CDH9: variants seen among roughly 807,000 people sequenced by gnomAD.
CDH9 encodes cadherin-9.
Under a neutral mutation model 70.9 loss-of-function variants are expected in CDH9, and 28 were observed. That is an observed-to-expected ratio of 0.40 (90% confidence interval 0.29 to 0.54). The LOEUF (loss-of-function observed/expected upper bound fraction) is 0.54, where lower values mean the gene tolerates loss of function less well. CDH9 is among the 20% of genes least tolerant of loss of function. The pLI is 0.59. For missense variants in CDH9, 874 were observed against 984.4 expected (o/e 0.89, Z 1.50); for synonymous variants, 409 against 343.1 (o/e 1.19, Z -2.12).
At chr5:26,974,198 C>T (rs193241562) in intron 2 of CDH9, among the ~76,000 whole-genome samples, 19 of 152,098 alleles carry the variant, frequency 1.2e-4, no homozygotes, top group Non-Finnish European at 1.6e-4. Context: ...GATGAGATTG[C>T]GCCACTGCAC....
intron 1 of CDH9, among the ~76,000 whole-genome samples, chr5:27,016,622 C>T (rs1326363368): frequency 6.6e-6 from 1 of 151,684 alleles, no homozygotes; most frequent in Non-Finnish European, 1.5e-5. Flanking sequence ...ATAATTTTCT[C>T]CAAAAGTTGT....
chr5:27,027,101 G>A (rs1743233276), intron 1 of CDH9, among the ~76,000 whole-genome samples: 1 of 151,880 alleles, frequency 6.6e-6, no homozygotes, highest in South Asian at 2.1e-4. Context: ...TGACTTAAAA[G>A]ACTTTCATCA....
At chr5:26,882,114 T>C (rs1422614200) in intron 11 of CDH9, among the ~76,000 whole-genome samples, 1 of 152,072 alleles carries the variant, frequency 6.6e-6, no homozygotes, top group Non-Finnish European at 1.5e-5. Flanking sequence ...TGAGTGTACA[T>C]ACACACATAC....
At chr5:26,902,963 G>A in intron 6 of CDH9, 1 of 384,070 alleles carries the variant, frequency 2.6e-6, no homozygotes, top group Non-Finnish European at 4.6e-6. Flanking sequence ...TTCTCACTTA[G>A]TAATATGCTT....
chr5:26,991,834 A>C (rs1742584364), intron 1 of CDH9, among the ~76,000 whole-genome samples: 1 of 152,192 alleles, frequency 6.6e-6, no homozygotes. Context: ...ATCTATTGGA[A>C]AAATAAAGAA....
chr5:27,002,485 G>T (rs1742788046), intron 1 of CDH9, among the ~76,000 whole-genome samples: 1 of 152,100 alleles, frequency 6.6e-6, no homozygotes, highest in Non-Finnish European at 1.5e-5. Context: ...GTTTATTGTG[G>T]CACTATTCAC....
chr5:26,882,135 A>G (rs1465050786), intron 11 of CDH9, among the ~76,000 whole-genome samples: 2 of 152,088 alleles, frequency 1.3e-5, no homozygotes, highest in Non-Finnish European at 2.9e-5. Context: ...ATGAATATGT[A>G]TGAGTCACTG....
intron 2 of CDH9, among the ~76,000 whole-genome samples, chr5:26,974,867 G>A (rs924403596): frequency 2.0e-5 from 3 of 151,594 alleles, no homozygotes; most frequent in African/African-American, 7.3e-5. Flanking sequence ...TACTCTCTTC[G>A]CAAATTTCAA....
intron 1 of CDH9, among the ~76,000 whole-genome samples, chr5:27,007,473 G>A (rs372573198): frequency 1.2e-4 from 18 of 151,966 alleles, no homozygotes; most frequent in East Asian, 1.2e-3. Context: ...AGATACCCAT[G>A]ATACATAATA....
In CDH9 at chr5:26,915,894, T is replaced by A. The variant is rs919561065; in HGVS notation, c.259A>T (p.Asn87Tyr). The change falls in exon 3 of 12, where the codon AAT (asparagine) becomes TAT (tyrosine). Residue 87 changes from asparagine to tyrosine, a missense_variant. Physicochemically the swap from Asn to Tyr is moderately radical, Grantham distance 143. Transcript: ENST00000231021. ...TCTCCTGTTAGTATGTATTTTAAAT[T>A]TCCATCTCCTTTATCTTGGTCAGTG... ...LHTDQDKGDGNLKYILTGDGA... is the reference protein window; with the variant it reads ...LHTDQDKGDGYLKYILTGDGA... The A allele has an allele frequency of 1.2e-6, 2 of 1,611,286 alleles. No individual in the cohort carries two copies. The highest frequency in any genetic ancestry group is 1.7e-6 in the Non-Finnish European group (2 of 1,178,034).
chr5:27,012,275 A>T (rs916530050), intron 1 of CDH9, among the ~76,000 whole-genome samples: 8 of 151,932 alleles, frequency 5.3e-5, no homozygotes, highest in African/African-American at 1.9e-4. Context: ...TATTATTGTT[A>T]CTGTATTATT....
chr5:26,929,834 C>T (rs1741410035), intron 2 of CDH9, among the ~76,000 whole-genome samples: 2 of 151,756 alleles, frequency 1.3e-5, no homozygotes, highest in Admixed American at 1.3e-4. Flanking sequence ...TGATGGTTAC[C>T]AGAGGCTGGG....
At chr5:26,994,713 GT>G (rs150666427) in intron 1 of CDH9, among the ~76,000 whole-genome samples, 2,869 of 152,174 alleles carry the variant, frequency 0.019, 31 homozygotes, top group Non-Finnish European at 0.024. Flanking sequence ...ATAAAAATTT[GT>G]TGTTTAAGCC....
chr5:26,982,311 A>G (rs1742412451), intron 2 of CDH9, among the ~76,000 whole-genome samples: 2 of 152,168 alleles, frequency 1.3e-5, no homozygotes, highest in Non-Finnish European at 2.9e-5. Flanking sequence ...TACCACACTT[A>G]ATATTTTTTA....
intron 2 of CDH9, among the ~76,000 whole-genome samples, chr5:26,956,374 G>A (rs532071154): frequency 8.5e-5 from 13 of 152,116 alleles, no homozygotes; most frequent in African/African-American, 2.9e-4. Flanking sequence ...CCCAGTCTCT[G>A]GTATGTCTTT....
At position 26,926,917 on chromosome 5, in the gene CDH9, G is replaced by GCCCC. The variant is rs55917148; in HGVS notation, c.229-10997_229-10994dup. Among the ~76,000 whole-genome samples, 372 of 125,248 alleles carry GCCCC rather than the reference G, an allele frequency of 3.0e-3. 3 individuals are homozygous for GCCCC. The highest frequency in any genetic ancestry group is 5.0e-3 in the Middle Eastern group (1 of 200). The allele number at this position is 125,248 out of a possible 152,430, so 82.2% of individuals were successfully genotyped here. A position where few individuals can be genotyped will look rare whatever the true frequency, so the allele number is the denominator to read the frequency against. On this transcript the variant is annotated intron_variant, in intron 2 of 11. Coordinates refer to ENST00000231021, the MANE Select transcript of CDH9 (RefSeq NM_016279.4). ...GATACCATAGTCAGGCAAAAATACA[G>GCCCC]CCCCCCCCCGCAAAAAAAAAAGAAA... is the stretch of plus-strand genomic sequence containing the variant.
chr5:26,977,752 A>G lies in CDH9; in HGVS notation c.228+10354T>C, dbSNP rs190446076. ...GACCCTAAAATTGGCATACACATGCATGACACCTAAACTGAACATGTACAC... is the reference window on the plus strand; with the variant it reads ...GACCCTAAAATTGGCATACACATGCGTGACACCTAAACTGAACATGTACAC... On this transcript the variant is annotated intron_variant, in intron 2 of 11. Coordinates refer to ENST00000231021, the MANE Select transcript of CDH9 (RefSeq NM_016279.4). Among the ~76,000 whole-genome samples, 881 of 152,232 alleles carry G rather than the reference A, an allele frequency of 5.8e-3. 8 individuals carry two copies. The highest frequency in any genetic ancestry group is 0.01 in the Non-Finnish European group (701 of 67,990).
intron 7 of CDH9, among the ~76,000 whole-genome samples, chr5:26,896,605 A>T (rs923335146): frequency 6.6e-6 from 1 of 151,726 alleles, no homozygotes; most frequent in Non-Finnish European, 1.5e-5. Context: ...GAAATAAATA[A>T]GTTATTTGAA....
At chr5:26,927,999 C>T (rs1458320895) in intron 2 of CDH9, among the ~76,000 whole-genome samples, 1 of 152,002 alleles carries the variant, frequency 6.6e-6, no homozygotes, top group African/African-American at 2.4e-5. Context: ...AAACCAGATT[C>T]ATATAGAGGT....
Sources: allele counts gnomAD v4.1 joint callset (sites outside exome capture counted in the v4.1 genomes callset), GRCh38; gene constraint gnomAD v4.1.1; transcripts MANE v1.5; gene names NCBI Gene and HGNC (gene_info 2026-07-23, HGNC 2026-07-21).